Variants in AEBP2 observed in about 807,000 individuals in gnomAD.
AEBP2 encodes the protein zinc finger protein AEBP2.
AEBP2 carries 10 observed loss-of-function variants against 50.8 expected under a neutral mutation model. That is an observed-to-expected ratio of 0.20 (90% CI 0.12 to 0.33). AEBP2 has a LOEUF of 0.33. AEBP2 is among the 10% of genes least tolerant of loss of function. The pLI, the probability that AEBP2 is intolerant of heterozygous loss-of-function variation, is 1.00. For missense variants in AEBP2, 570 were observed against 688.0 expected, an observed-to-expected ratio of 0.83 and a Z score of 1.92; for synonymous variants, 296 against 261.3, an observed-to-expected ratio of 1.13 and a Z score of -1.28.
intron 1 of AEBP2, among the ~76,000 whole-genome samples, chr12:19,408,126 G>A (rs1272730164): frequency 2.6e-5 from 4 of 151,700 alleles, no homozygotes; most frequent in African/African-American, 7.3e-5. Context: ...TAAGGATTAA[G>A]TTTGGGACTT....
chr12:19,482,799 A>G (rs553082373), intron 3 of AEBP2, among the ~76,000 whole-genome samples: 148 of 152,260 alleles, frequency 9.7e-4, no homozygotes, highest in Admixed American at 1.8e-3. Flanking sequence ...TTTTCAGGCC[A>G]GTGGGGTTAT....
chr12:19,462,751 T>G (rs767112722), intron 2 of AEBP2, 34 bp downstream of exon 2: 1 of 1,542,528 alleles, frequency 6.5e-7, no homozygotes, highest in East Asian at 2.3e-5. Flanking sequence ...TCGCTCCCTG[T>G]TTTCGTTAGT....
At chr12:19,483,530 G>T (rs893213493) in intron 3 of AEBP2, among the ~76,000 whole-genome samples, 8 of 152,148 alleles carry the variant, frequency 5.3e-5, no homozygotes, top group Non-Finnish European at 1.0e-4. Context: ...GGTTCTTGAA[G>T]CAAAAGTTCA....
intron 4 of AEBP2, among the ~76,000 whole-genome samples, chr12:19,494,735 T>C (rs1948945816): frequency 6.6e-6 from 1 of 152,000 alleles, no homozygotes; most frequent in African/African-American, 2.4e-5. Flanking sequence ...TATTGTAACA[T>C]ATGTATAATG....
chr12:19,503,655 T>A (rs1016534433), intron 5 of AEBP2, among the ~76,000 whole-genome samples: 2 of 151,970 alleles, frequency 1.3e-5, no homozygotes, highest in Non-Finnish European at 2.9e-5. Flanking sequence ...TGAATAGGAA[T>A]GGTGAGAGGA....
At chr12:19,514,583 A>G (rs1949291625) in intron 6 of AEBP2, 88 bp from the exon 7 acceptor site, 2 of 1,010,036 alleles carry the variant, frequency 2.0e-6, no homozygotes, top group African/African-American at 3.3e-5. Context: ...TGATCAAAGT[A>G]GCAGAAAATG....
intron 1 of AEBP2, among the ~76,000 whole-genome samples, chr12:19,427,753 G>A (rs2095749300): frequency 6.6e-6 from 1 of 151,954 alleles, no homozygotes. Context: ...GGCTTTTATA[G>A]TGAAGGAAAC....
chr12:19,509,000 C>A, intron 5 of AEBP2: 1 of 542,136 alleles, frequency 1.8e-6, no homozygotes, highest in Non-Finnish European at 3.5e-6. Flanking sequence ...AGTTGTTTAC[C>A]TTTTTACTAA....
chr12:19,456,779 A>G (rs1592731346), intron 1 of AEBP2: 1 of 1,580,298 alleles, frequency 6.3e-7, no homozygotes, highest in East Asian at 2.2e-5. Flanking sequence ...CTTCAGTTTT[A>G]ATGTTGACTG....
chr12:19,516,684 A>G (rs1949323324), intron 7 of AEBP2, among the ~76,000 whole-genome samples: 1 of 152,144 alleles, frequency 6.6e-6, no homozygotes. Flanking sequence ...GGTTGTTCTT[A>G]AGATATATTA....
chr12:19,435,705 C>T (rs1319272662), upstream of AEBP2, among the ~76,000 whole-genome samples: 1 of 152,178 alleles, frequency 6.6e-6, no homozygotes, highest in Non-Finnish European at 1.5e-5. Flanking sequence ...TCTGTTCGCT[C>T]TTCAAAATCC....
chr12:19,426,317 C>A (rs553249837), intron 1 of AEBP2, among the ~76,000 whole-genome samples: 1 of 152,260 alleles, frequency 6.6e-6, no homozygotes, highest in South Asian at 2.1e-4. Flanking sequence ...GTCTTGAGTG[C>A]ATCTGTCATT....
intron 1 of AEBP2, among the ~76,000 whole-genome samples, chr12:19,413,951 C>T (rs2095740832): frequency 6.6e-6 from 1 of 151,088 alleles, no homozygotes; most frequent in African/African-American, 2.4e-5. Context: ...TGGAGTGCAG[C>T]GCCGCCATCT....
At chr12:19,415,184 G>A (rs901713803) in intron 1 of AEBP2, among the ~76,000 whole-genome samples, 3 of 149,976 alleles carry the variant, frequency 2.0e-5, no homozygotes, top group African/African-American at 7.4e-5. Context: ...CATGGTGGTG[G>A]GCACCTGTAG....
intron 1 of AEBP2, among the ~76,000 whole-genome samples, chr12:19,420,864 C>G (rs1342274601): frequency 6.6e-6 from 1 of 152,104 alleles, no homozygotes; most frequent in Non-Finnish European, 1.5e-5. Context: ...CACCCCACCC[C>G]ACAAGCAGCC....
intron 4 of AEBP2, among the ~76,000 whole-genome samples, chr12:19,499,151 A>G (rs1949028464): frequency 6.6e-6 from 1 of 152,384 alleles, no homozygotes; most frequent in South Asian, 2.1e-4. Context: ...TTTTACAAAT[A>G]ATCCACAGTG....
At chr12:19,446,304 A>G (rs1015750657) in intron 1 of AEBP2, among the ~76,000 whole-genome samples, 2 of 152,310 alleles carry the variant, frequency 1.3e-5, no homozygotes, top group East Asian at 3.9e-4. Flanking sequence ...GTAAATTGCG[A>G]CATGGTGCAT....
chr12:19,408,684 G>A (rs770069530), intron 1 of AEBP2, among the ~76,000 whole-genome samples: 8 of 152,020 alleles, frequency 5.3e-5, no homozygotes, highest in Non-Finnish European at 1.2e-4. Flanking sequence ...GGTGGATCAC[G>A]AGGTCAGGAG....
intron 3 of AEBP2, among the ~76,000 whole-genome samples, chr12:19,484,591 T>A (rs1948780007): frequency 6.6e-6 from 1 of 152,074 alleles, no homozygotes; most frequent in Non-Finnish European, 1.5e-5. Context: ...GCCAGGATGG[T>A]CTCGATCTCT....
Sources: allele counts gnomAD v4.1 joint callset (sites outside exome capture counted in the v4.1 genomes callset), GRCh38; gene constraint gnomAD v4.1.1; transcripts MANE v1.5; gene names NCBI Gene and HGNC (gene_info 2026-07-23, HGNC 2026-07-21).